The following TBC1D22A variants were observed in gnomAD, a reference collection of about 807,000 sequenced individuals.
TBC1D22A encodes TBC1 domain family member 22A.
TBC1D22A carries 38 observed loss-of-function variants against 60.2 expected under a neutral mutation model. The ratio of observed to expected loss-of-function variants is 0.63; its 90% CI spans 0.49 to 0.83. The LOEUF (loss-of-function observed/expected upper bound fraction) is 0.83. Among genes scored for constraint, TBC1D22A ranks in the 40% least tolerant of loss-of-function variants. The pLI is 0.00. For synonymous variants in TBC1D22A, 302 were observed against 281.7 expected (o/e 1.07, Z -0.72); for missense variants, 628 against 701.0 (o/e 0.90, Z 1.18).
intron 8 of TBC1D22A, among the ~76,000 whole-genome samples, chr22:46,924,265 T>C (rs2070919828): frequency 6.6e-6 from 1 of 152,208 alleles, no homozygotes; most frequent in African/African-American, 2.4e-5. Flanking sequence ...TCGGAGTGAC[T>C]GGATGTTGGT....
At chr22:46,835,617 C>T (rs980183033) in intron 4 of TBC1D22A, among the ~76,000 whole-genome samples, 8 of 152,040 alleles carry the variant, frequency 5.3e-5, no homozygotes, top group African/African-American at 1.2e-4. Flanking sequence ...AAGCCATATA[C>T]GCATTATGTG....
intron 11 of TBC1D22A, among the ~76,000 whole-genome samples, chr22:47,055,210 A>T (rs562536291): frequency 6.6e-6 from 1 of 152,206 alleles, no homozygotes; most frequent in Non-Finnish European, 1.5e-5. Context: ...TACTGCTCCC[A>T]CAAGTCTTTC....
rs373335996 is a variant in TBC1D22A at position 46,977,548 on chromosome 22, AAACCACTTTTCTCCCGAC to A, written c.1125+3152_1125+3169del. Among the ~76,000 whole-genome samples the A allele has an allele frequency of 4.1e-3, 620 of 152,276 alleles. 3 individuals are homozygous for A. The highest frequency in any genetic ancestry group is 0.015 in the African/African-American group (605 of 41,538). On this transcript the variant is annotated intron_variant, in intron 9 of 12. Transcript: ENST00000337137. Reference sequence around the variant, plus strand: ...AAGATGGCAAACTAGGAAAAAGAACAAACCACTTTTCTCCCGACAAATCCCTGGAAACGTTAGGTGATT... The same window carrying A: ...AAGATGGCAAACTAGGAAAAAGAACAAAATCCCTGGAAACGTTAGGTGATT...
intron 12 of TBC1D22A, among the ~76,000 whole-genome samples, chr22:47,164,973 G>A (rs1420449846): frequency 6.6e-6 from 1 of 152,208 alleles, no homozygotes; most frequent in Admixed American, 6.5e-5. Flanking sequence ...CATGGAGACT[G>A]TTGTCATTTC....
At chr22:47,054,071 C>T (rs967511872) in intron 11 of TBC1D22A, among the ~76,000 whole-genome samples, 6 of 152,180 alleles carry the variant, frequency 3.9e-5, no homozygotes, top group African/African-American at 4.8e-5. Context: ...CAATGGCCAG[C>T]GCTGCTCAGA....
At chr22:46,792,369 G>A (rs995459845) in intron 1 of TBC1D22A, 151 bp from the exon 2 acceptor site, 14 of 984,422 alleles carry the variant, frequency 1.4e-5, no homozygotes, top group South Asian at 2.9e-5. Flanking sequence ...TCAGGACCCC[G>A]GGTGGCTGCA....
At chr22:46,813,268 G>C (rs1456493120) in intron 4 of TBC1D22A, among the ~76,000 whole-genome samples, 1 of 152,170 alleles carries the variant, frequency 6.6e-6, no homozygotes, top group Admixed American at 6.5e-5. Context: ...TAGGCTTGGG[G>C]CTTCTGTGCT....
chr22:46,951,991 CAG>C (rs2072931731), intron 8 of TBC1D22A, among the ~76,000 whole-genome samples: 1 of 152,194 alleles, frequency 6.6e-6, no homozygotes, highest in South Asian at 2.1e-4. Flanking sequence ...AGTCACAGAG[CAG>C]GCTGTTTGTT....
chr22:46,815,434 T>C (rs1013125648), intron 4 of TBC1D22A, among the ~76,000 whole-genome samples: 1 of 152,248 alleles, frequency 6.6e-6, no homozygotes, highest in African/African-American at 2.4e-5. Context: ...ATTTGGACCT[T>C]TGGATGTTTT....
chr22:47,101,253 G>T (rs2065403275), intron 11 of TBC1D22A, among the ~76,000 whole-genome samples: 1 of 152,236 alleles, frequency 6.6e-6, no homozygotes, highest in Non-Finnish European at 1.5e-5. Flanking sequence ...CTCGTTAAAT[G>T]ACACCTGAGT....
At chr22:47,138,600 C>T (rs2066964852) in intron 12 of TBC1D22A, among the ~76,000 whole-genome samples, 1 of 152,236 alleles carries the variant, frequency 6.6e-6, no homozygotes, top group Admixed American at 6.5e-5. Context: ...TGGAGAGCCC[C>T]CTTGGTGGGT....
intron 12 of TBC1D22A, among the ~76,000 whole-genome samples, chr22:47,125,922 G>T (rs180683025): frequency 1.3e-5 from 2 of 152,232 alleles, no homozygotes; most frequent in African/African-American, 2.4e-5. Flanking sequence ...AGTTGCCAGA[G>T]GGCAGTGCCC....
At chr22:46,981,612 C>T (rs1015568375) in intron 9 of TBC1D22A, among the ~76,000 whole-genome samples, 2 of 152,212 alleles carry the variant, frequency 1.3e-5, no homozygotes, top group African/African-American at 4.8e-5. Context: ...GCTCTTCCCC[C>T]ACTTTGCTCA....
chr22:47,042,618 G>A (rs1334196849), intron 11 of TBC1D22A, among the ~76,000 whole-genome samples: 1 of 152,176 alleles, frequency 6.6e-6, no homozygotes, highest in East Asian at 1.9e-4. Context: ...CACCAGTCGT[G>A]CCAGCCAGGG....
chr22:46,823,594 C>T (rs1295838492), intron 4 of TBC1D22A, among the ~76,000 whole-genome samples: 1 of 152,232 alleles, frequency 6.6e-6, no homozygotes, highest in African/African-American at 2.4e-5. Context: ...GGCTTGAATC[C>T]TGCCTCACCA....
chr22:46,852,375 T>G (rs1247428633), intron 4 of TBC1D22A, among the ~76,000 whole-genome samples: 1 of 152,178 alleles, frequency 6.6e-6, no homozygotes, highest in African/African-American at 2.4e-5. Context: ...CTGTCTGTGG[T>G]CTGGCCTGTT....
intron 4 of TBC1D22A, among the ~76,000 whole-genome samples, chr22:46,867,513 G>A (rs991225658): frequency 2.6e-5 from 4 of 152,158 alleles, no homozygotes; most frequent in Non-Finnish European, 2.9e-5. Flanking sequence ...CCTCCACATC[G>A]ATAAATGAGG....
At chr22:47,079,084 C>CATTTTTTTTTTTTTTTTTTTTTTTT (rs1556117651) in intron 11 of TBC1D22A, among the ~76,000 whole-genome samples, 1 of 124,962 alleles carries the variant, frequency 8.0e-6, no homozygotes. Flanking sequence ...GTAGAGCAGA[C>CATTTTTTTTTTTTTTTTTTTTTTTT]TTTTTTTTTT....
chr22:47,057,939 A>G (rs1254506219), intron 11 of TBC1D22A, among the ~76,000 whole-genome samples: 4 of 152,202 alleles, frequency 2.6e-5, no homozygotes, highest in African/African-American at 9.7e-5. Flanking sequence ...TTGATGGGTG[A>G]AGATCCTGGG....
Sources: gnomAD v4.1 joint callset for allele counts (sites outside exome capture counted in the v4.1 genomes callset) on GRCh38, gnomAD v4.1.1 for gene constraint, MANE v1.5 for transcripts, NCBI Gene and HGNC (gene_info 2026-07-23, HGNC 2026-07-21) for gene names.